The following BICC1 variants were observed in gnomAD, a reference collection of about 807,000 sequenced individuals.
BICC1 encodes the protein protein bicaudal C homolog 1.
BICC1 carries 43 observed loss-of-function variants against 111.0 expected under a neutral mutation model. The ratio of observed to expected loss-of-function variants is 0.39; its 90% CI spans 0.30 to 0.50. The LOEUF is 0.50. Ranked by LOEUF, BICC1 falls within the 20% of genes least tolerant of loss-of-function variation. The probability of loss-of-function intolerance (pLI) is 0.88; values close to 1 mark genes in which losing one functional copy is unlikely to be tolerated. For missense variants in BICC1, 1,091 were observed against 1,203.2 expected, an observed-to-expected ratio of 0.91 and a Z score of 1.38; for synonymous variants, 467 against 434.4, an observed-to-expected ratio of 1.07 and a Z score of -0.93.
intron 2 of BICC1, among the ~76,000 whole-genome samples, chr10:58,644,225 G>A (rs1838201968): frequency 6.6e-6 from 1 of 152,106 alleles, no homozygotes; most frequent in African/African-American, 2.4e-5. Flanking sequence ...TCATACTAGG[G>A]CACTTGCTAC....
Position 58,798,559 on chromosome 10 carries a change from AGGTCAGTATCATTTAAGTATATTC to A in BICC1, c.1528_1528+23del. The A allele has an allele frequency of 6.3e-7, 1 of 1,596,010 alleles. No homozygotes were observed. The highest frequency in any genetic ancestry group is 8.5e-7 in the Non-Finnish European group (1 of 1,174,040). The stretch of plus-strand genomic sequence containing the variant: ...CACTTGCTAATACTTCAAGTGCCAC[AGGTCAGTATCATTTAAGTATATTC>A]CAAGTTGTGTATTCTTAGGTGTTAC... On this transcript the variant is annotated splice_donor_variant and splice_donor_5th_base_variant and coding_sequence_variant and intron_variant, in exon 11 of 21. Coordinates refer to ENST00000373886, the MANE Select transcript of BICC1 (RefSeq NM_001080512.3). LOFTEE classifies it high-confidence loss of function.
At chr10:58,593,594 C>G (rs1448803662) in intron 1 of BICC1, among the ~76,000 whole-genome samples, 1 of 152,116 alleles carries the variant, frequency 6.6e-6, no homozygotes, top group Admixed American at 6.5e-5. Flanking sequence ...AATACCCAGG[C>G]AAACAGGGTC....
At chr10:58,702,043 G>T in intron 2 of BICC1, 31 bp from the exon 3 acceptor site, 2 of 1,546,366 alleles carry the variant, frequency 1.3e-6, no homozygotes, top group South Asian at 2.3e-5. Context: ...GTTTTTAATT[G>T]AGTCAATATT....
Position 58,786,986 on chromosome 10 carries a change from G to T in BICC1, c.451G>T (p.Gly151Cys), listed in dbSNP as rs1340338734. The T allele has an allele frequency of 5.6e-6, 9 of 1,610,536 alleles. No individual in the cohort carries two copies. In the South Asian group the frequency reaches 6.6e-5, roughly 12 times the overall value. The change falls in exon 5 of 21, where the codon GGT becomes TGT. Residue 151 changes from glycine (G) to cysteine (C), a missense_variant. Around this residue, in one of 3 missense-constraint regions of BICC1, gnomAD observed 843 missense variants for 900.8 expected, o/e 0.94. Transcript: ENST00000373886. ...HTEHSHVIGKGGNNIKKVMEE... is the reference protein window; with the variant it reads ...HTEHSHVIGKCGNNIKKVMEE... ...AGAACATTCACATGTAATCGGCAAA[G>T]GTGGCAACAATATTAAAAAAGTGAT...
At chr10:58,593,179 C>T (rs1375578923) in intron 1 of BICC1, among the ~76,000 whole-genome samples, 4 of 152,042 alleles carry the variant, frequency 2.6e-5, no homozygotes, top group Non-Finnish European at 5.9e-5. Context: ...GCTGCTGTGG[C>T]CACACTGCCA....
chr10:58,745,023 T>C (rs1323734430), intron 3 of BICC1, among the ~76,000 whole-genome samples: 1 of 152,210 alleles, frequency 6.6e-6, no homozygotes, highest in Admixed American at 6.5e-5. Context: ...ATTTTCTATC[T>C]CCTGTTATGA....
intron 1 of BICC1, among the ~76,000 whole-genome samples, chr10:58,603,923 A>G (rs980514221): frequency 1.6e-4 from 24 of 152,228 alleles, no homozygotes; most frequent in African/African-American, 5.5e-4. Context: ...TAAGTACGTA[A>G]TAAGTATTGC....
chr10:58,820,727 C>T (rs974489964), intron 20 of BICC1, among the ~76,000 whole-genome samples: 3 of 152,084 alleles, frequency 2.0e-5, no homozygotes, highest in Non-Finnish European at 4.4e-5. Flanking sequence ...CCAAAATCGC[C>T]CTATGCAGAA....
intron 3 of BICC1, among the ~76,000 whole-genome samples, chr10:58,772,929 C>A (rs985148407): frequency 6.6e-6 from 1 of 152,120 alleles, no homozygotes; most frequent in South Asian, 2.1e-4. Context: ...TAAAGAAATT[C>A]AAAAATGCTG....
Position 58,513,224 on chromosome 10 carries a change from A to G in BICC1, c.81A>G (p.Pro27=). 1 of 1,612,282 alleles carries G rather than the reference A, an allele frequency of 6.2e-7. No homozygotes were observed. The highest frequency in any genetic ancestry group is 8.5e-7 in the Non-Finnish European group (1 of 1,179,484). Residue 27 remains proline (P), a synonymous_variant, in exon 1 of 21, where the codon CCA becomes CCG. Coordinates refer to ENST00000373886, the MANE Select transcript of BICC1 (RefSeq NM_001080512.3). ...ACAGCGAGCGCAGCACCGACTCCCC[A>G]GTGCCCGGCTCCGAGGACGACTTGG... ...GSNSERSTDS[P]VPGSEDDLVA... is the part of the protein sequence containing the mutation.
intron 2 of BICC1, among the ~76,000 whole-genome samples, chr10:58,642,634 A>C (rs1347761351): frequency 6.6e-6 from 1 of 152,026 alleles, no homozygotes; most frequent in African/African-American, 2.4e-5. Flanking sequence ...ACCAGTCACC[A>C]AAAACACATA....
chr10:58,822,594 C>T (rs1844284617), intron 20 of BICC1, among the ~76,000 whole-genome samples: 1 of 152,118 alleles, frequency 6.6e-6, no homozygotes, highest in Admixed American at 6.6e-5. Flanking sequence ...GACTAAAATA[C>T]TTTATGGCTG....
intron 3 of BICC1, among the ~76,000 whole-genome samples, chr10:58,756,393 A>G (rs190357357): frequency 1.3e-5 from 2 of 152,230 alleles, no homozygotes; most frequent in Non-Finnish European, 2.9e-5. Flanking sequence ...TAATATTTAG[A>G]GTCCCTGGCC....
intron 2 of BICC1, among the ~76,000 whole-genome samples, chr10:58,701,718 A>G (rs1014029081): frequency 1.3e-5 from 2 of 152,164 alleles, no homozygotes; most frequent in African/African-American, 4.8e-5. Flanking sequence ...TCCCTTGGCA[A>G]TTGTCTTGGG....
intron 3 of BICC1, among the ~76,000 whole-genome samples, chr10:58,750,923 G>A (rs1841973603): frequency 6.6e-6 from 1 of 152,072 alleles, no homozygotes; most frequent in African/African-American, 2.4e-5. Context: ...TCGTGTTTGT[G>A]TTCTTCCTTG....
At chr10:58,653,936 G>C (rs932746749) in intron 2 of BICC1, among the ~76,000 whole-genome samples, 3 of 150,460 alleles carry the variant, frequency 2.0e-5, no homozygotes, top group Non-Finnish European at 4.4e-5. Context: ...GCGGTGTTTG[G>C]TTTTTTGTTC....
chr10:58,648,463 T>G (rs925362299), intron 2 of BICC1: 1 of 957,558 alleles, frequency 1.0e-6, no homozygotes, highest in Non-Finnish European at 1.2e-6. Flanking sequence ...CAGAGTTATG[T>G]TCTCTGGCAT....
At chr10:58,577,616 G>A (rs1564495058) in intron 1 of BICC1, among the ~76,000 whole-genome samples, 1 of 152,104 alleles carries the variant, frequency 6.6e-6, no homozygotes, top group Non-Finnish European at 1.5e-5. Context: ...AACCACTAAT[G>A]CCAGATGTTA....
chr10:58,772,154 T>C (rs1206154581), intron 3 of BICC1, among the ~76,000 whole-genome samples: 1 of 152,182 alleles, frequency 6.6e-6, no homozygotes, highest in Non-Finnish European at 1.5e-5. Context: ...CCATTCCAGG[T>C]CTGAAGTTCT....
Sources: gnomAD v4.1 joint callset for allele counts (sites outside exome capture counted in the v4.1 genomes callset) on GRCh38, gnomAD v4.1.1 for gene constraint, gnomAD v4.1.1 regional missense constraint, MANE v1.5 for transcripts, NCBI Gene and HGNC (gene_info 2026-07-23, HGNC 2026-07-21) for gene names.